PLD5: variants seen among roughly 807,000 people sequenced by gnomAD.
The protein encoded by PLD5 is phospholipase D family member 5, also known as inactive phospholipase D5.
PLD5 carries 36 observed loss-of-function variants against 61.1 expected under a neutral mutation model. The observed-to-expected ratio is 0.59, with a 90% CI of 0.45 to 0.78. The LOEUF is 0.78. Ranked by LOEUF, PLD5 falls within the 30% of genes least tolerant of loss-of-function variation. The pLI is 0.00. For synonymous variants in PLD5, 243 were observed against 242.8 expected, an observed-to-expected ratio of 1.00 and a Z score of -0.01; for missense variants, 515 against 644.4, an observed-to-expected ratio of 0.80 and a Z score of 2.17.
chr1:242,512,763 G>A (rs1668969637), intron 1 of PLD5, among the ~76,000 whole-genome samples: 1 of 152,186 alleles, frequency 6.6e-6, no homozygotes, highest in Admixed American at 6.5e-5. Flanking sequence ...TGGTTCAGAT[G>A]CAGCCTTGTA....
intron 5 of PLD5, among the ~76,000 whole-genome samples, chr1:242,186,322 G>A (rs1667883802): frequency 6.6e-6 from 1 of 151,882 alleles, no homozygotes; most frequent in Non-Finnish European, 1.5e-5. Flanking sequence ...AGCTGGGATT[G>A]CAAGTGTCTG....
intron 5 of PLD5, among the ~76,000 whole-genome samples, chr1:242,147,242 T>C (rs1177761538): frequency 6.6e-6 from 1 of 152,186 alleles, no homozygotes; most frequent in Non-Finnish European, 1.5e-5. Context: ...CTTAAGAATG[T>C]CGTATAAACT....
rs1373417525 is a variant in PLD5 at position 242,524,333 on chromosome 1, A to C, written c.-57T>G. On this transcript the variant is annotated 5_prime_UTR_variant, in exon 1 of 10. Coordinates refer to ENST00000536534, the MANE Select transcript of PLD5 (RefSeq NM_001372062.1). ...GCGGACTCGGGACGGGCGCGCGGGG[A>C]GCCGGGCGCGGAGGGCGAGCGGGAG... 7.4e-7 allele frequency: 1 copy of C among 1,344,694 alleles called. No homozygotes were observed. Among genetic ancestry groups the C allele is most frequent in the African/African-American group, 1.6e-5 (1 of 64,214 alleles). The allele number at this position is 1,344,694 out of a possible 1,614,324, so 83.3% of individuals were successfully genotyped here.
At chr1:242,153,630 T>G (rs1014424105) in intron 5 of PLD5, among the ~76,000 whole-genome samples, 2 of 152,178 alleles carry the variant, frequency 1.3e-5, no homozygotes, top group African/African-American at 4.8e-5. Context: ...CATTGCTTGT[T>G]TGTGTCAGGT....
chr1:242,149,471 A>T (rs982140019), intron 5 of PLD5, among the ~76,000 whole-genome samples: 1 of 151,444 alleles, frequency 6.6e-6, no homozygotes, highest in African/African-American at 2.4e-5. Context: ...TATTTGGGAA[A>T]TGCTGGCATC....
At chr1:242,391,394 T>A (rs529847963) in intron 1 of PLD5, among the ~76,000 whole-genome samples, 4 of 151,960 alleles carry the variant, frequency 2.6e-5, no homozygotes, top group African/African-American at 9.7e-5. Flanking sequence ...AAATGGAAAA[T>A]TTTTTCCTAA....
intron 5 of PLD5, among the ~76,000 whole-genome samples, chr1:242,183,535 C>T (rs1345352665): frequency 2.0e-5 from 3 of 152,202 alleles, no homozygotes; most frequent in African/African-American, 7.2e-5. Flanking sequence ...GGCAGAGGTT[C>T]TCAAATTTTC....
chr1:242,461,243 C>T (rs908872734), intron 1 of PLD5, among the ~76,000 whole-genome samples: 7 of 152,200 alleles, frequency 4.6e-5, no homozygotes, highest in Non-Finnish European at 1.5e-5. Context: ...TGACAGGGAA[C>T]ATCCCATTTT....
intron 5 of PLD5, among the ~76,000 whole-genome samples, chr1:242,207,991 TACACACACAC>T (rs34110062): frequency 7.5e-5 from 3 of 40,258 alleles, no homozygotes; most frequent in Admixed American, 7.5e-4. Flanking sequence ...TATATATTTA[TACACACACAC>T]ACACACACAC....
intron 2 of PLD5, among the ~76,000 whole-genome samples, chr1:242,347,201 A>T (rs977000871): frequency 1.8e-4 from 27 of 152,220 alleles, no homozygotes; most frequent in Admixed American, 2.0e-4. Flanking sequence ...TCAAAGCAAA[A>T]TATCCAGGAT....
At chr1:242,493,108 C>A (rs565247534) in intron 1 of PLD5, among the ~76,000 whole-genome samples, 1 of 152,300 alleles carries the variant, frequency 6.6e-6, no homozygotes, top group South Asian at 2.1e-4. Flanking sequence ...TTAATTCTTA[C>A]TCTAATAGTT....
intron 1 of PLD5, among the ~76,000 whole-genome samples, chr1:242,451,929 C>T (rs1042402841): frequency 6.6e-5 from 10 of 152,134 alleles, no homozygotes; most frequent in South Asian, 4.2e-4. Context: ...CTCAAGTCAC[C>T]GTGCTCACCA....
rs1574423968 is a variant in PLD5 at position 242,162,511 on chromosome 1, G to A, written c.736-37846C>T. 2.0e-5 allele frequency among the ~76,000 whole-genome samples: 3 copies of A among 152,270 alleles called. No homozygotes were observed. In the South Asian group the frequency reaches 6.2e-4, roughly 32 times the overall value. On this transcript the variant is annotated intron_variant, in intron 5 of 9. Coordinates refer to ENST00000536534, the MANE Select transcript of PLD5 (RefSeq NM_001372062.1). ...TGTAGCCCAAATCCCCAGGAAGCCAGTGTCTGCATTTATTGCCTAGATTTA... is the reference window on the plus strand; with the variant it reads ...TGTAGCCCAAATCCCCAGGAAGCCAATGTCTGCATTTATTGCCTAGATTTA...
chr1:242,182,711 C>T (rs944398577), intron 5 of PLD5, among the ~76,000 whole-genome samples: 2 of 152,052 alleles, frequency 1.3e-5, no homozygotes, highest in Non-Finnish European at 2.9e-5. Flanking sequence ...GGCATGGTGG[C>T]ACACGCCCGA....
chr1:242,243,224 G>T (rs10803030), intron 4 of PLD5, among the ~76,000 whole-genome samples: 12,404 of 152,218 alleles, frequency 0.081, 636 homozygotes, highest in East Asian at 0.18. Flanking sequence ...GGGGAGGAGG[G>T]GTAGGTTTGA....
intron 1 of PLD5, among the ~76,000 whole-genome samples, chr1:242,430,650 A>G (rs1169871931): frequency 2.6e-5 from 4 of 152,042 alleles, no homozygotes; most frequent in Non-Finnish European, 4.4e-5. Context: ...GTCCCTTCCA[A>G]CAATGAAGTC....
intron 1 of PLD5, among the ~76,000 whole-genome samples, chr1:242,411,449 G>A (rs1033068918): frequency 2.6e-5 from 4 of 151,944 alleles, no homozygotes; most frequent in African/African-American, 7.3e-5. Context: ...GTTAGCCAGG[G>A]TGGTCTCGAT....
chr1:242,459,928 G>C (rs1667065333), intron 1 of PLD5, among the ~76,000 whole-genome samples: 1 of 152,114 alleles, frequency 6.6e-6, no homozygotes, highest in African/African-American at 2.4e-5. Context: ...GGTCTCTTTA[G>C]GGTTAAAGCA....
At chr1:242,309,033 G>A (rs1342163212) in intron 2 of PLD5, among the ~76,000 whole-genome samples, 1 of 152,098 alleles carries the variant, frequency 6.6e-6, no homozygotes, top group Non-Finnish European at 1.5e-5. Context: ...AATAAGAGAG[G>A]AAGAAACTTA....
Sources: gnomAD v4.1 joint callset for allele counts (sites outside exome capture counted in the v4.1 genomes callset) on GRCh38, gnomAD v4.1.1 for gene constraint, MANE v1.5 for transcripts, NCBI Gene and HGNC (gene_info 2026-07-23, HGNC 2026-07-21) for gene names.